The following TLR6 variants were observed in gnomAD, a reference collection of about 807,000 sequenced individuals.
TLR6 encodes the protein toll like receptor 6.
Under a neutral mutation model 16.1 loss-of-function variants are expected in TLR6, and 9 were observed. The observed-to-expected ratio is 0.56, with a 90% CI of 0.34 to 0.98. The LOEUF (loss-of-function observed/expected upper bound fraction) is 0.98, where lower values mean the gene tolerates loss of function less well. Among genes scored for constraint, TLR6 ranks in the 50% least tolerant of loss-of-function variants. The pLI, the probability that TLR6 is intolerant of heterozygous loss-of-function variation, is 0.02. For missense variants in TLR6, 786 were observed against 921.0 expected, an observed-to-expected ratio of 0.85 and a Z score of 1.90; for synonymous variants, 340 against 338.6, an observed-to-expected ratio of 1.00 and a Z score of -0.04.
intron 1 of TLR6, chr4:38,843,651 G>A (rs978895679): frequency 6.6e-5 from 10 of 152,220 alleles, no homozygotes; most frequent in African/African-American, 2.4e-4. Context: ...TTCTTTGGAA[G>A]AGTGAAAACT....
upstream of TLR6, among the ~76,000 whole-genome samples, chr4:38,859,399 T>C (rs1463537177): frequency 1.6e-4 from 24 of 152,176 alleles, no homozygotes; most frequent in Admixed American, 1.6e-3. Flanking sequence ...ATTTTTGTTG[T>C]TTTAAGCCAC....
upstream of TLR6, among the ~76,000 whole-genome samples, chr4:38,857,414 A>T (rs949795823): frequency 4.6e-5 from 7 of 152,246 alleles, no homozygotes; most frequent in African/African-American, 1.4e-4. Flanking sequence ...ATAATAAATA[A>T]CACTGAAATC....
intron 1 of TLR6, among the ~76,000 whole-genome samples, chr4:38,840,763 C>G (rs998746820): frequency 2.0e-5 from 3 of 152,086 alleles, no homozygotes; most frequent in Admixed American, 1.3e-4. Context: ...AACACAGAAG[C>G]ACGGCACTGA....
At chr4:38,858,726 A>T (rs577525903), upstream of TLR6, among the ~76,000 whole-genome samples, 3 of 142,714 alleles carry the variant, frequency 2.1e-5, no homozygotes, top group Admixed American at 1.4e-4. Context: ...GCTCAAAAGA[A>T]AAAAGAAAGA....
rs1052344409 is a variant in TLR6, at chr4:38,829,550, T to C, written c.-64-13A>G. 1.2e-5 allele frequency: 10 copies of C among 817,704 alleles called. No homozygotes were observed. The highest frequency in any genetic ancestry group is 2.4e-5 in the East Asian group (1 of 41,074). The allele number at this position is 817,704 out of a possible 1,614,324, so 50.7% of individuals were successfully genotyped here. A position where few individuals can be genotyped will look rare whatever the true frequency, so the allele number is the denominator to read the frequency against. On this transcript the variant is annotated splice_polypyrimidine_tract_variant and intron_variant, in intron 1 of 1. Coordinates refer to ENST00000436693, the Ensembl canonical transcript of TLR6. ...ATGAGTCCAAATTCTAGAAATATAATATACACTAAGATTAATAAAGATCGG... is the reference window on the plus strand; with the variant it reads ...ATGAGTCCAAATTCTAGAAATATAACATACACTAAGATTAATAAAGATCGG...
At chr4:38,866,465 C>T in the TLR6 span, among the ~76,000 whole-genome samples, 3 of 151,650 alleles carry the variant, frequency 2.0e-5, no homozygotes, top group African/African-American at 7.3e-5. Flanking sequence ...TGCTTTCCAG[C>T]CTGGACGACA....
At chr4:38,848,628 G>A (rs888345194) in intron 1 of TLR6, among the ~76,000 whole-genome samples, 21 of 152,312 alleles carry the variant, frequency 1.4e-4, no homozygotes, top group Admixed American at 3.9e-4. Context: ...ACTATGTGAC[G>A]AATGCACAAG....
Position 38,829,114 on chromosome 4 carries a change from A to G in TLR6, c.360T>C (p.Ile120=), listed in dbSNP as rs767497078. ...AGAGATCTAAATGCCTGAAACTCACAATAGGATGGCAGGATATCTTTTGCA... is the reference window on the plus strand; with the variant it reads ...AGAGATCTAAATGCCTGAAACTCACGATAGGATGGCAGGATATCTTTTGCA... The change falls in exon 2 of 2, where the codon ATT becomes ATC. Residue 120 remains isoleucine, a synonymous_variant. Transcript: ENST00000436693. The G allele has an allele frequency of 1.9e-6, 3 of 1,614,026 alleles. No homozygotes were observed. The African/African-American group carries it at 4.0e-5, about 22-fold the overall frequency.
chr4:38,840,231 C>T (rs1331330756), intron 1 of TLR6, among the ~76,000 whole-genome samples: 1 of 152,208 alleles, frequency 6.6e-6, no homozygotes, highest in Non-Finnish European at 1.5e-5. Context: ...ACTGGCATTC[C>T]TTCTGGCTGA....
chr4:38,860,363 T>C (rs1283723914), upstream of TLR6, among the ~76,000 whole-genome samples: 1 of 151,940 alleles, frequency 6.6e-6, no homozygotes, highest in Non-Finnish European at 1.5e-5. Context: ...TCCCAGCTAC[T>C]CAGGAGCCTG....
At chr4:38,846,453 CTAA>C (rs1279340639) in intron 1 of TLR6, among the ~76,000 whole-genome samples, 1 of 152,028 alleles carries the variant, frequency 6.6e-6, no homozygotes, top group Non-Finnish European at 1.5e-5. Context: ...AATAGCACCA[CTAA>C]TGAGAAAATT....
chr4:38,855,084 C>A (rs1178104256), intron 1 of TLR6, among the ~76,000 whole-genome samples: 2 of 151,770 alleles, frequency 1.3e-5, no homozygotes, highest in African/African-American at 2.4e-5. Context: ...TGGTGGCGGG[C>A]GCCTGTAGTC....
intron 1 of TLR6, among the ~76,000 whole-genome samples, chr4:38,850,543 G>A (rs1712726710): frequency 6.6e-6 from 1 of 152,046 alleles, no homozygotes; most frequent in African/African-American, 2.4e-5. Context: ...AATGATAAAG[G>A]GGATATCACC....
chr4:38,844,221 G>A lies in TLR6; in HGVS notation c.-65+12540C>T, dbSNP rs550212599. Among the ~76,000 whole-genome samples the A allele has an allele frequency of 5.9e-5, 9 of 152,292 alleles. No individual in the cohort carries two copies. The South Asian group carries it at 1.2e-3, about 21-fold the overall frequency. The stretch of plus-strand genomic sequence containing the variant: ...GACAATACTTACCGATATGGACAGC[G>A]ACTGGAATACTGGTAGCGGTGTTCA... On this transcript the variant is annotated intron_variant, in intron 1 of 1. Transcript: ENST00000436693.
chr4:38,828,870 C>T, exon 2 of TLR6: 1 of 1,613,802 alleles, frequency 6.2e-7, no homozygotes, highest in Non-Finnish European at 8.5e-7. Flanking sequence ...GGGTGAAAAA[C>T]AAGGTGAAGG....
At chr4:38,858,893 A>AAGAG (rs1474813981), upstream of TLR6, among the ~76,000 whole-genome samples, 9 of 148,274 alleles carry the variant, frequency 6.1e-5, no homozygotes, top group South Asian at 2.0e-3. Flanking sequence ...GAAAGAGAGA[A>AAGAG]AGAAAGAAAG....
At chr4:38,827,938 A>G (rs145224707) in exon 2 of TLR6, 7 of 1,614,224 alleles carry the variant, frequency 4.3e-6, no homozygotes, top group South Asian at 1.1e-5. Flanking sequence ...GGAAGAAATC[A>G]GCCGATGGGT....
chr4:38,850,372 C>T (rs2109468161), intron 1 of TLR6, among the ~76,000 whole-genome samples: 1 of 152,254 alleles, frequency 6.6e-6, no homozygotes, highest in East Asian at 1.9e-4. Flanking sequence ...CAAGAAATAA[C>T]TAAGATCAGA....
In TLR6 at chr4:38,828,239, C is replaced by T; in HGVS notation, c.1235G>A (p.Trp412Ter). The stretch of plus-strand genomic sequence containing the variant: ...ATGTCTACCAGATTCCAAAGAATTC[C>T]AGCTAACATCCAGTATTTCCAAAGA... The change falls in exon 2 of 2, where the codon TGG (tryptophan) becomes TAG (stop). Residue 412 changes from tryptophan to a stop codon, truncating the protein, a stop_gained. Coordinates refer to ENST00000436693, the Ensembl canonical transcript of TLR6. LOFTEE classifies it low-confidence loss of function (END_TRUNC). 1.9e-6 allele frequency: 3 copies of T among 1,613,414 alleles called. No homozygotes were observed. Among genetic ancestry groups the T allele is most frequent in the South Asian group, 2.2e-5 (2 of 91,066 alleles).
Sources: gnomAD v4.1 joint callset for allele counts (sites outside exome capture counted in the v4.1 genomes callset) on GRCh38, gnomAD v4.1.1 for gene constraint, MANE v1.5 for transcripts, NCBI Gene and HGNC (gene_info 2026-07-23, HGNC 2026-07-21) for gene names.